The following RBM34 variants were observed in gnomAD, a reference collection of about 807,000 sequenced individuals.
The protein encoded by RBM34 is RNA-binding protein 34.
Under a neutral mutation model 44.6 loss-of-function variants are expected in RBM34, and 39 were observed. The ratio of observed to expected loss-of-function variants is 0.87; its 90% CI spans 0.68 to 1.14. The LOEUF (loss-of-function observed/expected upper bound fraction) is 1.14. Ranked by LOEUF, RBM34 falls within the 50% of genes most tolerant of loss-of-function variation. The pLI, the probability that RBM34 is intolerant of heterozygous loss-of-function variation, is 0.00. For missense variants in RBM34, 572 were observed against 517.9 expected (o/e 1.10, Z -1.01); for synonymous variants, 194 against 184.0 (o/e 1.05, Z -0.44).
In RBM34 at chr1:235,147,232, T is replaced by C. The variant is rs529898734; in HGVS notation, c.701+1172A>G. Among the ~76,000 whole-genome samples, 5 of 152,166 alleles carry C rather than the reference T, an allele frequency of 3.3e-5. No individual in the cohort carries two copies. In the East Asian group the frequency reaches 9.6e-4, roughly 29 times the overall value. Reference sequence around the variant, plus strand: ...GGTGACAGAGCAAGAGCTTGTATGTTAAAAACACAAAACAAAACAAAGAAA... The same window carrying C: ...GGTGACAGAGCAAGAGCTTGTATGTCAAAAACACAAAACAAAACAAAGAAA... On this transcript the variant is annotated intron_variant, in intron 6 of 10. Coordinates refer to ENST00000408888, the MANE Select transcript of RBM34 (RefSeq NM_015014.4).
rs907155295 is a variant in RBM34, at chr1:235,146,687, C to G, written c.701+1717G>C. Among the ~76,000 whole-genome samples the G allele has an allele frequency of 2.7e-4, 41 of 152,266 alleles. 1 individual carries two copies. The highest frequency in any genetic ancestry group is 2.5e-3 in the Admixed American group (38 of 15,286). ...CAAGGCTGGAGTGCAATGGCGTGAT[C>G]TGGGCTCACTGCAACCTTCATCTCC... On this transcript the variant is annotated intron_variant, in intron 6 of 10. Coordinates refer to ENST00000408888, the MANE Select transcript of RBM34 (RefSeq NM_015014.4).
intron 6 of RBM34, among the ~76,000 whole-genome samples, chr1:235,141,887 C>T (rs1003133968): frequency 1.3e-5 from 2 of 152,202 alleles, no homozygotes; most frequent in Non-Finnish European, 2.9e-5. Context: ...AGACTCCCGA[C>T]GCACCACCTT....
At chr1:235,157,290 G>A (rs1267705191) in intron 3 of RBM34, among the ~76,000 whole-genome samples, 2 of 152,196 alleles carry the variant, frequency 1.3e-5, no homozygotes, top group Non-Finnish European at 2.9e-5. Flanking sequence ...CCAGAGCAGG[G>A]AAGGAGGTGA....
chr1:235,139,423 G>A (rs966111856), intron 6 of RBM34, among the ~76,000 whole-genome samples: 8 of 151,896 alleles, frequency 5.3e-5, no homozygotes, highest in Non-Finnish European at 1.2e-4. Flanking sequence ...CCAACACGGT[G>A]TTTTTTTTCT....
intron 8 of RBM34, among the ~76,000 whole-genome samples, chr1:235,137,300 C>T (rs755642114): frequency 6.6e-6 from 1 of 152,188 alleles, no homozygotes; most frequent in African/African-American, 2.4e-5. Context: ...TTCTAGACCT[C>T]GGTCTATAAT....
At chr1:235,144,388 G>C (rs1222849397) in intron 6 of RBM34, among the ~76,000 whole-genome samples, 1 of 151,556 alleles carries the variant, frequency 6.6e-6, no homozygotes, top group Non-Finnish European at 1.5e-5. Flanking sequence ...AGATGATAAA[G>C]TGTTTGGTAT....
In RBM34 at chr1:235,131,786, G is replaced by T; in HGVS notation, c.1220C>A (p.Ala407Asp). ...TTTCTTCTTCGTTTTAAGGAGAACA[G>T]CTTTTTCTCCAATAAATAAGCTTTT... Reference protein sequence around the residue: ...HPKSLFIGEKAVLLKTKKKGQ... With the variant: ...HPKSLFIGEKDVLLKTKKKGQ... Residue 407 changes from alanine (A) to aspartate (D), a missense_variant, in exon 11 of 11, where the codon GCT becomes GAT. Coordinates refer to ENST00000408888, the MANE Select transcript of RBM34 (RefSeq NM_015014.4). The T allele has an allele frequency of 1.9e-6, 3 of 1,613,948 alleles. 1 individual carries two copies. The South Asian group carries it at 3.3e-5, about 18-fold the overall frequency.
chr1:235,142,427 C>A (rs1267097848), intron 6 of RBM34, among the ~76,000 whole-genome samples: 1 of 151,902 alleles, frequency 6.6e-6, no homozygotes, highest in African/African-American at 2.4e-5. Flanking sequence ...TACAGGCGCA[C>A]GCCACCACTC....
intron 3 of RBM34, among the ~76,000 whole-genome samples, chr1:235,158,855 T>C (rs544516604): frequency 2.0e-3 from 307 of 152,032 alleles, no homozygotes; most frequent in Non-Finnish European, 2.6e-3. Flanking sequence ...TGGTGGGTCA[T>C]GCCTGTAATC....
intron 6 of RBM34, among the ~76,000 whole-genome samples, chr1:235,141,973 G>A (rs943204487): frequency 6.6e-6 from 1 of 152,180 alleles, no homozygotes; most frequent in Non-Finnish European, 1.5e-5. Flanking sequence ...CACCAATTCC[G>A]GACACATTCT....
chr1:235,138,148 T>C lies in RBM34; in HGVS notation c.728A>G (p.Asn243Ser), dbSNP rs778114055. Residue 243 changes from asparagine to serine, a missense_variant, in exon 7 of 11, where the codon AAT becomes AGT. Transcript: ENST00000408888. ...IKRKIHPDQK[N>S]INAYVVFKEE... The stretch of plus-strand genomic sequence containing the variant: ...CTTAAACACAACATAGGCATTAATA[T>C]TTTTCTGATCAGGATGAATTTTACG... The C allele has an allele frequency of 1.2e-6, 2 of 1,603,002 alleles. No individual in the cohort carries two copies. The highest frequency in any genetic ancestry group is 1.7e-6 in the Non-Finnish European group (2 of 1,176,608).
At chr1:235,134,331 T>C (rs1028600960) in intron 10 of RBM34, among the ~76,000 whole-genome samples, 3 of 152,118 alleles carry the variant, frequency 2.0e-5, no homozygotes, top group Admixed American at 6.6e-5. Flanking sequence ...GCCTTACTTG[T>C]ATATTTTTTT....
At chr1:235,160,678 C>A (rs529816979) in intron 2 of RBM34, 31 bp from the exon 3 acceptor site, 1 of 1,599,652 alleles carries the variant, frequency 6.3e-7, no homozygotes, top group Non-Finnish European at 8.5e-7. Flanking sequence ...ATATTTGAGA[C>A]CCCATACTTC....
chr1:235,149,110 C>T (rs1439612123), intron 5 of RBM34, among the ~76,000 whole-genome samples: 8 of 151,668 alleles, frequency 5.3e-5, no homozygotes, highest in Non-Finnish European at 1.0e-4. Flanking sequence ...AGGAAAAGGC[C>T]GGGCGCGGTG....
At chr1:235,149,418 T>G (rs1024121666) in intron 5 of RBM34, among the ~76,000 whole-genome samples, 3 of 150,922 alleles carry the variant, frequency 2.0e-5, no homozygotes, top group African/African-American at 7.3e-5. Flanking sequence ...GGAAAAATGT[T>G]AAGGAAAAAG....
At chr1:235,155,519 T>G (rs949533277) in intron 3 of RBM34, among the ~76,000 whole-genome samples, 1 of 146,218 alleles carries the variant, frequency 6.8e-6, no homozygotes, top group African/African-American at 2.6e-5. Flanking sequence ...TTTTTTTTTT[T>G]TTTGAGACGG....
At position 235,141,389 on chromosome 1, in the gene RBM34, C is replaced by G. The variant is rs576400138; in HGVS notation, c.702-3215G>C. Among the ~76,000 whole-genome samples, 5 of 152,106 alleles carry G rather than the reference C, an allele frequency of 3.3e-5. No individual in the cohort carries two copies. The East Asian group carries it at 7.7e-4, about 23-fold the overall frequency. ...GTGGGGCCTTGGAGAACCTTTGTGT[C>G]GATACTCTGTATCTAACTAATCTGA... On this transcript the variant is annotated intron_variant, in intron 6 of 10. Coordinates refer to ENST00000408888, the MANE Select transcript of RBM34 (RefSeq NM_015014.4).
rs1396591587 is a variant in RBM34 at position 235,152,836 on chromosome 1, A to G, written c.598-71T>C. The G allele has an allele frequency of 3.7e-6, 5 of 1,345,118 alleles. No individual in the cohort carries two copies. In the African/African-American group the frequency reaches 7.5e-5, roughly 20 times the overall value. 83.3% of individuals were successfully genotyped at this position (1,345,118 alleles called of 1,614,324 possible). ...CAAATAAGTGCTACAAAAAGGAATT[A>G]AGAAAAATTGTCTGATAATCCTCTA... On this transcript the variant is annotated intron_variant, in intron 4 of 10. Transcript: ENST00000408888.
intron 6 of RBM34, among the ~76,000 whole-genome samples, chr1:235,140,818 C>T (rs1425996634): frequency 6.6e-6 from 1 of 152,216 alleles, no homozygotes; most frequent in South Asian, 2.1e-4. Flanking sequence ...ATACACCAAT[C>T]AGCACCCTGT....
Sources: gnomAD v4.1 joint callset for allele counts (sites outside exome capture counted in the v4.1 genomes callset) on GRCh38, gnomAD v4.1.1 for gene constraint, MANE v1.5 for transcripts, NCBI Gene and HGNC (gene_info 2026-07-23, HGNC 2026-07-21) for gene names.